Variants in ABLIM1 observed in about 807,000 individuals in gnomAD.
ABLIM1 encodes the protein actin-binding LIM protein 1.
ABLIM1 carries 40 observed loss-of-function variants against 107.0 expected under a neutral mutation model. The observed-to-expected ratio is 0.37, with a 90% CI of 0.29 to 0.49. ABLIM1 has a LOEUF of 0.49. ABLIM1 is among the 20% of genes least tolerant of loss of function. ABLIM1 has a pLI of 0.97. For missense variants in ABLIM1, 857 were observed against 1,008.5 expected (o/e 0.85, Z 2.04); for synonymous variants, 357 against 357.3 (o/e 1.00, Z 0.01).
At chr10:114,719,229 G>C (rs1591881107) in intron 1 of ABLIM1, among the ~76,000 whole-genome samples, 1 of 152,186 alleles carries the variant, frequency 6.6e-6, no homozygotes. Context: ...AAATATCTAA[G>C]ATTTCTCTGT....
intron 1 of ABLIM1, among the ~76,000 whole-genome samples, chr10:114,698,915 T>C (rs900371397): frequency 2.6e-5 from 4 of 151,956 alleles, no homozygotes; most frequent in African/African-American, 4.8e-5. Context: ...GGAATTCATT[T>C]AGAAATAAAA....
the ABLIM1 span, among the ~76,000 whole-genome samples, chr10:114,782,661 C>T: frequency 2.0e-5 from 3 of 152,030 alleles, no homozygotes; most frequent in African/African-American, 7.3e-5. Context: ...GTGATCTCCA[C>T]ATTTTATGAT....
chr10:114,573,860 C>T (rs2072067369), intron 3 of ABLIM1, among the ~76,000 whole-genome samples: 1 of 152,110 alleles, frequency 6.6e-6, no homozygotes, highest in Non-Finnish European at 1.5e-5. Flanking sequence ...CCATGCCAGC[C>T]CAGGACTCTT....
intron 1 of ABLIM1, among the ~76,000 whole-genome samples, chr10:114,761,090 T>G (rs542255700): frequency 1.3e-5 from 2 of 152,216 alleles, no homozygotes; most frequent in African/African-American, 2.4e-5. Flanking sequence ...AGTGCACTAA[T>G]CTTTACAACA....
intron 1 of ABLIM1, among the ~76,000 whole-genome samples, chr10:114,611,221 T>C (rs2076788315): frequency 6.6e-6 from 1 of 151,382 alleles, no homozygotes. Flanking sequence ...AATCCCAACA[T>C]TTTGGGAGGC....
chr10:114,622,381 T>G (rs762187334), intron 1 of ABLIM1, among the ~76,000 whole-genome samples: 21 of 151,668 alleles, frequency 1.4e-4, no homozygotes, highest in Non-Finnish European at 2.8e-4. Flanking sequence ...CTTAAGTAGC[T>G]GGGACTACAG....
upstream of ABLIM1, among the ~76,000 whole-genome samples, chr10:114,686,435 C>T (rs2080937954): frequency 6.6e-6 from 1 of 151,916 alleles, no homozygotes; most frequent in Admixed American, 6.6e-5. Context: ...ATTGCTTGAG[C>T]CCAGAAGATT....
the ABLIM1 span, among the ~76,000 whole-genome samples, chr10:114,783,961 T>A: frequency 6.6e-6 from 1 of 151,980 alleles, no homozygotes; most frequent in African/African-American, 2.4e-5. Flanking sequence ...GTGACCTTCA[T>A]GAGAGTCGTT....
chr10:114,782,694 A>G, the ABLIM1 span, among the ~76,000 whole-genome samples: 1 of 152,110 alleles, frequency 6.6e-6, no homozygotes, highest in Non-Finnish European at 1.5e-5. Flanking sequence ...CTACATGGAG[A>G]ATGGATTCGA....
intron 6 of ABLIM1, among the ~76,000 whole-genome samples, chr10:114,514,917 A>C (rs1209930334): frequency 6.6e-6 from 1 of 152,172 alleles, no homozygotes; most frequent in African/African-American, 2.4e-5. Flanking sequence ...TTTGAGACTA[A>C]AGATTAAATT....
chr10:114,439,122 C>T, intron 21 of ABLIM1, 54 bp downstream of exon 21: 1 of 1,590,998 alleles, frequency 6.3e-7, no homozygotes, highest in African/African-American at 1.3e-5. Flanking sequence ...AACATCAAAT[C>T]TGTTTAGGGT....
intron 6 of ABLIM1, among the ~76,000 whole-genome samples, chr10:114,492,473 G>A (rs1404585120): frequency 3.9e-5 from 6 of 152,142 alleles, no homozygotes; most frequent in Admixed American, 3.3e-4. Flanking sequence ...TTTTACTAAG[G>A]TGGCTGTGCA....
At chr10:114,640,067 T>C (rs1437707750) in intron 1 of ABLIM1, among the ~76,000 whole-genome samples, 1 of 152,226 alleles carries the variant, frequency 6.6e-6, no homozygotes, top group Non-Finnish European at 1.5e-5. Flanking sequence ...TTCCTATCCA[T>C]GTTAGTTCCC....
At chr10:114,663,618 G>C (rs1202718416) in intron 1 of ABLIM1, among the ~76,000 whole-genome samples, 1 of 152,196 alleles carries the variant, frequency 6.6e-6, no homozygotes, top group Non-Finnish European at 1.5e-5. Context: ...CACATATACA[G>C]CTGCAAGATA....
chr10:114,570,228 G>GC (rs2071442151), intron 4 of ABLIM1, among the ~76,000 whole-genome samples: 2 of 152,300 alleles, frequency 1.3e-5, no homozygotes, highest in South Asian at 4.2e-4. Context: ...CTTGCTTGGT[G>GC]CCCACAGTTC....
At chr10:114,750,286 T>C (rs1473318467) in intron 1 of ABLIM1, among the ~76,000 whole-genome samples, 1 of 152,224 alleles carries the variant, frequency 6.6e-6, no homozygotes, top group Non-Finnish European at 1.5e-5. Context: ...CTATGGTCTT[T>C]GACAGTCTGG....
intron 3 of ABLIM1, among the ~76,000 whole-genome samples, chr10:114,575,173 T>A (rs1194031963): frequency 6.6e-6 from 1 of 152,252 alleles, no homozygotes; most frequent in African/African-American, 2.4e-5. Flanking sequence ...GACCCAGAGC[T>A]GCTTTCAGAA....
At chr10:114,694,720 CA>C (rs1380733641) in intron 1 of ABLIM1, among the ~76,000 whole-genome samples, 3 of 151,948 alleles carry the variant, frequency 2.0e-5, no homozygotes, top group African/African-American at 4.8e-5. Context: ...ATAGAGAGGC[CA>C]GGGGCAGGAA....
intron 1 of ABLIM1, among the ~76,000 whole-genome samples, chr10:114,668,071 G>A (rs993650928): frequency 1.3e-5 from 2 of 151,706 alleles, no homozygotes; most frequent in Admixed American, 1.3e-4. Flanking sequence ...ACTAGGGGAT[G>A]GGCAGACTTC....
Sources: allele counts gnomAD v4.1 joint callset (sites outside exome capture counted in the v4.1 genomes callset), GRCh38; gene constraint gnomAD v4.1.1; transcripts MANE v1.5; gene names NCBI Gene and HGNC (gene_info 2026-07-23, HGNC 2026-07-21).